The following FTO variants were observed in gnomAD, a reference collection of about 807,000 sequenced individuals.
FTO encodes the protein FTO alpha-ketoglutarate dependent dioxygenase.
FTO carries 47 observed loss-of-function variants against 63.9 expected under a neutral mutation model. The observed-to-expected ratio is 0.74, with a 90% confidence interval of 0.58 to 0.94. The LOEUF (loss-of-function observed/expected upper bound fraction) is 0.94. Ranked by LOEUF, FTO falls within the 40% of genes least tolerant of loss-of-function variation. The pLI, the probability that FTO is intolerant of heterozygous loss-of-function variation, is 0.00. For synonymous variants in FTO, 207 were observed against 224.4 expected, an observed-to-expected ratio of 0.92 and a Z score of 0.69; for missense variants, 562 against 618.1, an observed-to-expected ratio of 0.91 and a Z score of 0.96.
intron 1 of FTO, among the ~76,000 whole-genome samples, chr16:53,779,354 C>T (rs368294931): frequency 1.6e-4 from 25 of 152,114 alleles, no homozygotes; most frequent in African/African-American, 5.3e-4. Flanking sequence ...AAGTGCCTTA[C>T]GGTGAAGAGG....
At chr16:54,059,038 A>C (rs1435930492) in intron 8 of FTO, among the ~76,000 whole-genome samples, 1 of 152,236 alleles carries the variant, frequency 6.6e-6, no homozygotes, top group African/African-American at 2.4e-5. Flanking sequence ...CAGCTCAGCC[A>C]GACAATACAG....
intron 4 of FTO, 139 bp downstream of exon 4, chr16:53,844,437 G>A (rs147911141): frequency 0.014 from 10,314 of 716,446 alleles, 122 homozygotes; most frequent in Non-Finnish European, 0.016. Context: ...ATAAGAACAT[G>A]TAACTAGGTT....
intron 8 of FTO, among the ~76,000 whole-genome samples, chr16:54,099,522 A>C (rs1181348739): frequency 1.3e-5 from 2 of 152,150 alleles, no homozygotes; most frequent in Non-Finnish European, 2.9e-5. Flanking sequence ...TTATATTGTT[A>C]CCTTTGGGCA....
chr16:54,105,340 T>G (rs1255238915), intron 8 of FTO, among the ~76,000 whole-genome samples: 1 of 152,212 alleles, frequency 6.6e-6, no homozygotes, highest in Non-Finnish European at 1.5e-5. Context: ...TGAAATGATT[T>G]GGAATGTCCT....
At chr16:54,074,980 G>A (rs1438271017) in intron 8 of FTO, among the ~76,000 whole-genome samples, 1 of 148,636 alleles carries the variant, frequency 6.7e-6, no homozygotes, top group African/African-American at 2.5e-5. Context: ...TGATAGTTTA[G>A]AAAACCAGCA....
intron 8 of FTO, among the ~76,000 whole-genome samples, chr16:54,065,213 A>G (rs2085695614): frequency 6.6e-6 from 1 of 150,960 alleles, no homozygotes; most frequent in African/African-American, 2.4e-5. Flanking sequence ...TCTGGAGTGC[A>G]GTGGTGCAAT....
intron 1 of FTO, among the ~76,000 whole-genome samples, chr16:53,725,415 C>T (rs1372137543): frequency 6.6e-6 from 1 of 152,168 alleles, no homozygotes; most frequent in Non-Finnish European, 1.5e-5. Context: ...ATTATTTGGT[C>T]AGCTATCCAA....
rs75088587 is a variant in FTO, at chr16:53,800,301, G to A, written c.46-9839G>A. Reference sequence around the variant, plus strand: ...AATTATTTAGTTTTCAAATATTTGGGGATTTTCTAGATGTATATCTGTTAT... The same window carrying A: ...AATTATTTAGTTTTCAAATATTTGGAGATTTTCTAGATGTATATCTGTTAT... On this transcript the variant is annotated intron_variant, in intron 1 of 8. Transcript: ENST00000471389. Among the ~76,000 whole-genome samples the A allele has an allele frequency of 2.1e-3, 326 of 151,906 alleles. 1 individual carries two copies. Among genetic ancestry groups the A allele is most frequent in the African/African-American group, 7.2e-3 (300 of 41,422 alleles).
chr16:53,724,733 C>G (rs1470462280), intron 1 of FTO, among the ~76,000 whole-genome samples: 1 of 152,064 alleles, frequency 6.6e-6, no homozygotes, highest in Non-Finnish European at 1.5e-5. Flanking sequence ...CATGTCTGGT[C>G]AGTTTCTTTT....
rs533947277 is a variant in FTO at position 54,004,928 on chromosome 16, G to T, written c.1364+70819G>T. 1.1e-4 allele frequency among the ~76,000 whole-genome samples: 16 copies of T among 152,026 alleles called. 1 individual carries two copies. The South Asian group carries it at 3.1e-3, about 30-fold the overall frequency. ...TACTAAAAATACAAAAAATTAGCCG[G>T]GCATGGTGGCAGGTGCCTGTAGTCG... is the stretch of plus-strand genomic sequence containing the variant. On this transcript the variant is annotated intron_variant, in intron 8 of 8. Transcript: ENST00000471389.
chr16:53,952,791 C>T (rs1160499145), intron 8 of FTO, among the ~76,000 whole-genome samples: 1 of 152,170 alleles, frequency 6.6e-6, no homozygotes, highest in African/African-American at 2.4e-5. Flanking sequence ...AGACCTAATG[C>T]ACATGTTTGA....
At chr16:53,894,734 G>T (rs2081236070) in intron 7 of FTO, among the ~76,000 whole-genome samples, 1 of 151,984 alleles carries the variant, frequency 6.6e-6, no homozygotes, top group Non-Finnish European at 1.5e-5. Flanking sequence ...ATTTTTCAGG[G>T]TTAGCATTTC....
At chr16:53,721,376 T>C (rs1398488457) in intron 1 of FTO, among the ~76,000 whole-genome samples, 2 of 152,316 alleles carry the variant, frequency 1.3e-5, no homozygotes, top group East Asian at 1.9e-4. Context: ...AATTATAAAA[T>C]TGATAAAAAA....
chr16:53,995,618 A>G (rs1157001222), intron 8 of FTO, among the ~76,000 whole-genome samples: 1 of 152,212 alleles, frequency 6.6e-6, no homozygotes, highest in Non-Finnish European at 1.5e-5. Context: ...ACTAAAATGA[A>G]ACATGATGCC....
chr16:53,807,741 A>C (rs1367299932), intron 1 of FTO, among the ~76,000 whole-genome samples: 1 of 152,184 alleles, frequency 6.6e-6, no homozygotes, highest in Non-Finnish European at 1.5e-5. Context: ...TGTGTCTATA[A>C]AAAAGACTAA....
intron 8 of FTO, among the ~76,000 whole-genome samples, chr16:54,053,776 GA>G: frequency 6.6e-6 from 1 of 152,180 alleles, no homozygotes; most frequent in Non-Finnish European, 1.5e-5. Flanking sequence ...CCCTGCCTTC[GA>G]GAAACAGTCT....
chr16:54,002,060 A>G (rs143752739), intron 8 of FTO, among the ~76,000 whole-genome samples: 284 of 152,354 alleles, frequency 1.9e-3, no homozygotes, highest in Non-Finnish European at 2.7e-3. Context: ...ATTGGTTGGG[A>G]GAAGATTTGG....
intron 1 of FTO, among the ~76,000 whole-genome samples, chr16:53,775,212 A>G (rs2077433619): frequency 6.6e-6 from 1 of 152,060 alleles, no homozygotes; most frequent in Non-Finnish European, 1.5e-5. Flanking sequence ...CCTCCAACTC[A>G]TATTGCATTT....
intron 1 of FTO, among the ~76,000 whole-genome samples, chr16:53,770,185 C>G (rs1327791477): frequency 6.6e-6 from 1 of 152,102 alleles, no homozygotes; most frequent in Non-Finnish European, 1.5e-5. Context: ...AAAATGGAGC[C>G]TTATATCAGC....
Sources: allele counts gnomAD v4.1 joint callset (sites outside exome capture counted in the v4.1 genomes callset), GRCh38; gene constraint gnomAD v4.1.1; transcripts MANE v1.5; gene names NCBI Gene and HGNC (gene_info 2026-07-23, HGNC 2026-07-21).